RUSC1: variants seen among roughly 807,000 people sequenced by gnomAD.
RUSC1 encodes RUN and SH3 domain containing 1.
In RUSC1, 40 loss-of-function variants were observed where a neutral mutation model predicts 72.1. The ratio of observed to expected loss-of-function variants is 0.55; its 90% CI spans 0.43 to 0.72. RUSC1 has a LOEUF of 0.72. Ranked by LOEUF, RUSC1 falls within the 30% of genes least tolerant of loss-of-function variation. The pLI is 0.00. For synonymous variants in RUSC1, 512 were observed against 494.2 expected (o/e 1.04, Z -0.48); for missense variants, 1,092 against 1,172.3 (o/e 0.93, Z 1.00).
In RUSC1 at chr1:155,325,769, GC is replaced by G. The variant is rs368272904; in HGVS notation, c.1815-88del. The G allele has an allele frequency of 7.7e-4, 1,221 of 1,580,390 alleles. 8 individuals are homozygous for G. In the African/African-American group the frequency reaches 0.014, roughly 18 times the overall value. On this transcript the variant is annotated intron_variant, in intron 6 of 9. Transcript: ENST00000368352. The surrounding 1 kb of genome is among the most constrained non-coding windows in gnomAD (Gnocchi z 6.5). ...GTAGTGCCTCACATCCCCAGAGAAG[GC>G]CCCCCCTCTTCCAATCTCATCTCCC...
rs755339965 is a variant in RUSC1 at position 155,322,675 on chromosome 1, G to A, written c.902G>A (p.Ser301Asn). The change falls in exon 2 of 10, where the codon AGT becomes AAT. Residue 301 changes from serine (S) to asparagine (N), a missense_variant. Transcript: ENST00000368352. ...DAGKIDGGWR[S>N]DVSEEPVPHR... ...GGGAAAATTGATGGAGGATGGAGAA[G>A]TGACGTCAGCGAGGAGCCGGTGCCC... 1 of 1,614,270 alleles carries A rather than the reference G, an allele frequency of 6.2e-7. No homozygotes were observed.
intron 9 of RUSC1, among the ~76,000 whole-genome samples, chr1:155,330,086 G>C (rs191422847): frequency 6.6e-6 from 1 of 152,182 alleles, no homozygotes; most frequent in East Asian, 1.9e-4. Flanking sequence ...GGAGAAAGTG[G>C]TGCTGTTTAC....
chr1:155,324,370 G>A (rs765014283), intron 2 of RUSC1: 192 of 1,610,002 alleles, frequency 1.2e-4, no homozygotes, highest in South Asian at 1.1e-3. Flanking sequence ...CTCGGGTCTC[G>A]CCTCCCTCCG....
rs1454267816 is a variant in RUSC1, at chr1:155,325,651, C to T, written c.1793C>T (p.Ala598Val). The T allele has an allele frequency of 6.2e-7, 1 of 1,613,848 alleles. No individual in the cohort carries two copies. The highest frequency in any genetic ancestry group is 8.5e-7 in the Non-Finnish European group (1 of 1,179,990). Residue 598 changes from alanine to valine, a missense_variant, in exon 6 of 10, where the codon GCC becomes GTC. Ala to Val is a moderately conservative substitution (Grantham distance 64). Coordinates refer to ENST00000368352, the MANE Select transcript of RUSC1 (RefSeq NM_001105203.2). The surrounding 1 kb of genome is among the most constrained non-coding windows in gnomAD (Gnocchi z 6.5). ...AGCAGCAGCCGTAGCCGCTTCCATG[C>T]CTTTATCCTGGGCCTCCTCAAGTGA... ...PLSSSRSRFH[A>V]FILGLLNTKQ...
intron 1 of RUSC1, chr1:155,321,273 C>T (rs1044148143): frequency 1.5e-6 from 2 of 1,367,976 alleles, no homozygotes; most frequent in Admixed American, 1.9e-5. Flanking sequence ...ACAAACTCTG[C>T]GTATTGCCCC....
intron 1 of RUSC1, chr1:155,321,355 G>C: frequency 7.3e-7 from 1 of 1,377,058 alleles, no homozygotes; most frequent in Non-Finnish European, 9.7e-7. Context: ...GGAGTAAGGG[G>C]TAGGCTGGAG....
chr1:155,323,129 G>A lies in RUSC1; in HGVS notation c.1356G>A (p.Glu452=), dbSNP rs1440556879. The A allele has an allele frequency of 1.4e-6, 2 of 1,409,536 alleles. No individual in the cohort carries two copies. The highest frequency in any genetic ancestry group is 3.2e-5 in the Admixed American group (1 of 31,488). 87.3% of individuals were successfully genotyped at this position (1,409,536 alleles called of 1,614,324 possible). ...AGCCGGGCGCGCAGGCCGGCCTGGAGGGTAAGAGGTCGCAAGAAGCGGGAG... is the reference window on the plus strand; with the variant it reads ...AGCCGGGCGCGCAGGCCGGCCTGGAAGGTAAGAGGTCGCAAGAAGCGGGAG... ...AKEPGAQAGL[E]VRSSWSFAGV... is the part of the protein sequence containing the mutation. Residue 452 remains glutamate, a splice_region_variant and synonymous_variant, in exon 2 of 10, where the codon GAG becomes GAA. Transcript: ENST00000368352.
chr1:155,324,356 A>T, intron 2 of RUSC1: 1 of 1,605,512 alleles, frequency 6.2e-7, no homozygotes, highest in Non-Finnish European at 8.5e-7. Flanking sequence ...CCAGCCTCCC[A>T]ATCCTCGGGT....
At position 155,328,750 on chromosome 1, in the gene RUSC1, C is replaced by T. The variant is rs112875529; in HGVS notation, c.2540+475C>T. Among the ~76,000 whole-genome samples, 5 of 152,246 alleles carry T rather than the reference C, an allele frequency of 3.3e-5. 1 individual carries two copies. Among genetic ancestry groups the T allele is most frequent in the African/African-American group, 1.2e-4 (5 of 41,536 alleles). On this transcript the variant is annotated intron_variant, in intron 9 of 9. Transcript: ENST00000368352. ...AGTAGCTGGGATTACAGGCACATGC[C>T]GCCACGCCCAGCTAATTTTTGTATT...
rs1202486075 is a variant in RUSC1, at chr1:155,325,098, C to G, written c.1457-4C>G. 2 of 1,614,254 alleles carry G rather than the reference C, an allele frequency of 1.2e-6. No homozygotes were observed. The highest frequency in any genetic ancestry group is 1.7e-6 in the Non-Finnish European group (2 of 1,180,044). On this transcript the variant is annotated splice_region_variant and splice_polypyrimidine_tract_variant and intron_variant, in intron 3 of 9. Coordinates refer to ENST00000368352, the MANE Select transcript of RUSC1 (RefSeq NM_001105203.2). The surrounding 1 kb of genome is among the most constrained non-coding windows in gnomAD (Gnocchi z 6.5). ...TAGCGTCTTCCCTTTCCCACTCCTCCCAGGTCTTCTGATAGCCGTCAGCGT... is the reference window on the plus strand; with the variant it reads ...TAGCGTCTTCCCTTTCCCACTCCTCGCAGGTCTTCTGATAGCCGTCAGCGT...
Position 155,326,849 on chromosome 1 carries a change from A to G in RUSC1, c.2131A>G (p.Lys711Glu). The change falls in exon 8 of 10, where the codon AAG (lysine) becomes GAG (glutamate). Residue 711 changes from lysine to glutamate, a missense_variant. Coordinates refer to ENST00000368352, the MANE Select transcript of RUSC1 (RefSeq NM_001105203.2). This position sits in a 1 kb window ranked among gnomAD's most constrained non-coding sequence, Gnocchi z 4.7. Reference sequence around the variant, plus strand: ...GGCCCAGAGCCTTCGGGGGACTTCCAAGGAAGCTGCTTCAGACCCCTCTGA... The same window carrying G: ...GGCCCAGAGCCTTCGGGGGACTTCCGAGGAAGCTGCTTCAGACCCCTCTGA... ...RLAQSLRGTS[K>E]EAASDPSDSP... is the part of the protein sequence containing the mutation. 1 of 1,613,654 alleles carries G rather than the reference A, an allele frequency of 6.2e-7. No homozygotes were observed. Among genetic ancestry groups the G allele is most frequent in the Non-Finnish European group, 8.5e-7 (1 of 1,180,020 alleles).
Position 155,325,885 on chromosome 1 carries a change from GT to G in RUSC1, c.1840del (p.Ser614ProfsTer120). The G allele has an allele frequency of 6.2e-7, 1 of 1,614,140 alleles. No homozygotes were observed. The highest frequency in any genetic ancestry group is 8.5e-7 in the Non-Finnish European group (1 of 1,180,034). ...CTAGCACCAAGCAGTTGGAGCTGTG[GT>G]TTTCCAGTCTCCAGGAAGATGCAGG... Reference protein sequence around the residue: ...LLNTKQLELWFSSLQEDAGLL... With the variant: ...LLNTKQLELWXSSLQEDAGLL... On this transcript the variant is annotated frameshift_variant, in exon 7 of 10. Transcript: ENST00000368352. LOFTEE classifies it high-confidence loss of function. The surrounding 1 kb of genome is among the most constrained non-coding windows in gnomAD (Gnocchi z 6.5).
At chr1:155,328,862 T>C (rs1382275769) in intron 9 of RUSC1, among the ~76,000 whole-genome samples, 1 of 152,136 alleles carries the variant, frequency 6.6e-6, no homozygotes, top group Non-Finnish European at 1.5e-5. Context: ...CCTCCCAAAG[T>C]GCTGGAATTA....
chr1:155,329,772 T>C (rs1651812002), intron 9 of RUSC1, among the ~76,000 whole-genome samples: 2 of 147,464 alleles, frequency 1.4e-5, no homozygotes, highest in African/African-American at 4.9e-5. Context: ...CTGGTCAACA[T>C]GGTGAAACCC....
Position 155,325,767 on chromosome 1 carries a change from A to G in RUSC1, c.1814+95A>G, listed in dbSNP as rs1475053555. The G allele has an allele frequency of 2.5e-6, 4 of 1,579,204 alleles. No individual in the cohort carries two copies. Among genetic ancestry groups the G allele is most frequent in the Non-Finnish European group, 3.5e-6 (4 of 1,149,590 alleles). ...TAGTAGTGCCTCACATCCCCAGAGA[A>G]GGCCCCCCCTCTTCCAATCTCATCT... On this transcript the variant is annotated intron_variant, in intron 6 of 9. Coordinates refer to ENST00000368352, the MANE Select transcript of RUSC1 (RefSeq NM_001105203.2). The surrounding 1 kb of genome is among the most constrained non-coding windows in gnomAD (Gnocchi z 6.5).
chr1:155,326,063 C>T lies in RUSC1; in HGVS notation c.1861+153C>T. ...CTAATTAAAACTTTCTAAGGAGGCC[C>T]ATCGCCCATAGGATGAAAGACCCAA... On this transcript the variant is annotated intron_variant, in intron 7 of 9. Coordinates refer to ENST00000368352, the MANE Select transcript of RUSC1 (RefSeq NM_001105203.2). This position sits in a 1 kb window ranked among gnomAD's most constrained non-coding sequence, Gnocchi z 4.7. 1.2e-6 allele frequency: 1 copy of T among 827,040 alleles called. No individual in the cohort carries two copies. Among genetic ancestry groups the T allele is most frequent in the Non-Finnish European group, 1.9e-6 (1 of 514,332 alleles). The allele number at this position is 827,040 out of a possible 1,614,324, so 51.2% of individuals were successfully genotyped here.
In RUSC1 at chr1:155,325,451, A is replaced by T; in HGVS notation, c.1669A>T (p.Ser557Cys). The T allele has an allele frequency of 6.3e-7, 1 of 1,593,864 alleles. No homozygotes were observed. The highest frequency in any genetic ancestry group is 2.3e-5 in the East Asian group (1 of 44,298). ...RKDLITGQRR[S>C]SPWSVVEASV... ...GGACCTCATCACCGGGCAGCGCAGGAGCAGCCCCTGGAGCGTGGTGGAGGC... is the reference window on the plus strand; with the variant it reads ...GGACCTCATCACCGGGCAGCGCAGGTGCAGCCCCTGGAGCGTGGTGGAGGC... The change falls in exon 5 of 10, where the codon AGC becomes TGC. Residue 557 changes from serine (S) to cysteine (C), a missense_variant. Transcript: ENST00000368352. The surrounding 1 kb of genome is among the most constrained non-coding windows in gnomAD (Gnocchi z 6.5).
Position 155,326,185 on chromosome 1 carries a change from T to G in RUSC1, c.1861+275T>G, listed in dbSNP as rs1651389174. 1 of 574,694 alleles carries G rather than the reference T, an allele frequency of 1.7e-6. No homozygotes were observed. Among genetic ancestry groups the G allele is most frequent in the East Asian group, 2.9e-5 (1 of 34,100 alleles). 35.6% of individuals were successfully genotyped at this position (574,694 alleles called of 1,614,324 possible). On this transcript the variant is annotated intron_variant, in intron 7 of 9. Coordinates refer to ENST00000368352, the MANE Select transcript of RUSC1 (RefSeq NM_001105203.2). The surrounding 1 kb of genome is among the most constrained non-coding windows in gnomAD (Gnocchi z 4.7). ...CCTTCCTGCTCCAGGGCCCTGCTTA[T>G]GCTGTTCCTCTACCTTCTGCCCCTC...
At position 155,322,652 on chromosome 1, in the gene RUSC1, G is replaced by GA; in HGVS notation, c.883dup (p.Ile295AsnfsTer2). On this transcript the variant is annotated frameshift_variant, in exon 2 of 10. Coordinates refer to ENST00000368352, the MANE Select transcript of RUSC1 (RefSeq NM_001105203.2). LOFTEE classifies it high-confidence loss of function. ...ATTCTGGCTCGAAAACAGATGCAGGGAAAATTGATGGAGGATGGAGAAGTG... is the reference window on the plus strand; with the variant it reads ...ATTCTGGCTCGAAAACAGATGCAGGGAAAAATTGATGGAGGATGGAGAAGTG... 2 of 1,614,260 alleles carry GA rather than the reference G, an allele frequency of 1.2e-6. No homozygotes were observed. Among genetic ancestry groups the GA allele is most frequent in the Non-Finnish European group, 1.7e-6 (2 of 1,180,044 alleles).
Sources: allele counts gnomAD v4.1 joint callset (sites outside exome capture counted in the v4.1 genomes callset), GRCh38; gene constraint gnomAD v4.1.1; non-coding constraint Gnocchi (gnomAD v3.1); transcripts MANE v1.5; gene names NCBI Gene and HGNC (gene_info 2026-07-23, HGNC 2026-07-21).